The following MLIP variants were observed in gnomAD, a reference collection of about 807,000 sequenced individuals.
MLIP encodes muscular LMNA interacting protein.
Under a neutral mutation model 84.8 loss-of-function variants are expected in MLIP, and 79 were observed. That is an observed-to-expected ratio of 0.93 (90% confidence interval 0.78 to 1.12). MLIP has a LOEUF of 1.12. Ranked by LOEUF, MLIP falls within the 50% of genes most tolerant of loss-of-function variation. The pLI, the probability that MLIP is intolerant of heterozygous loss-of-function variation, is 0.00. For missense variants in MLIP, 1,257 were observed against 1,160.6 expected (o/e 1.08, Z -1.21); for synonymous variants, 504 against 463.0 (o/e 1.09, Z -1.14).
chr6:54,208,684 C>T (rs1308504192), intron 11 of MLIP, among the ~76,000 whole-genome samples: 1 of 152,184 alleles, frequency 6.6e-6, no homozygotes, highest in Non-Finnish European at 1.5e-5. Context: ...AATTTTGAGA[C>T]AAGATTAGCC....
chr6:54,113,723 T>A (rs901447552), intron 1 of MLIP, among the ~76,000 whole-genome samples: 3 of 152,168 alleles, frequency 2.0e-5, no homozygotes, highest in Non-Finnish European at 2.9e-5. Context: ...TACTTCTAAT[T>A]ATTAAATTAA....
At chr6:54,104,177 A>G (rs1768848594) in intron 1 of MLIP, among the ~76,000 whole-genome samples, 1 of 152,124 alleles carries the variant, frequency 6.6e-6, no homozygotes. Flanking sequence ...ATGGAATAGG[A>G]TGCTATTGCT....
At chr6:54,142,920 A>G (rs181717180) in intron 4 of MLIP, among the ~76,000 whole-genome samples, 1 of 151,558 alleles carries the variant, frequency 6.6e-6, no homozygotes. Context: ...AACAACAACA[A>G]AAAAAAAACG....
At chr6:54,128,750 T>A (rs879814569) in intron 3 of MLIP, among the ~76,000 whole-genome samples, 2 of 152,140 alleles carry the variant, frequency 1.3e-5, no homozygotes, top group Non-Finnish European at 2.9e-5. Context: ...CTGGGTGAGT[T>A]ACTTGAAATC....
chr6:54,178,309 T>C lies in MLIP; in HGVS notation c.2544+8737T>C, dbSNP rs111504693. On this transcript the variant is annotated intron_variant, in intron 9 of 13. Transcript: ENST00000502396. ...TTTTATTCGTGTTTCTTCCCTTTTT[T>C]TCTTTATTAGTCTGCCTAAAGATTT... Among the ~76,000 whole-genome samples, 90 of 152,326 alleles carry C rather than the reference T, an allele frequency of 5.9e-4. 1 individual carries two copies. Among genetic ancestry groups the C allele is most frequent in the African/African-American group, 2.0e-3 (84 of 41,588 alleles).
chr6:54,197,309 TG>T (rs1450436011), intron 10 of MLIP, among the ~76,000 whole-genome samples: 2 of 152,004 alleles, frequency 1.3e-5, no homozygotes, highest in African/African-American at 4.8e-5. Flanking sequence ...ACTTATACTG[TG>T]GTTATCTTAT....
chr6:54,262,255 C>T (rs1201221567), intron 13 of MLIP, among the ~76,000 whole-genome samples: 1 of 151,958 alleles, frequency 6.6e-6, no homozygotes, highest in East Asian at 1.9e-4. Context: ...AGAAAGAAAA[C>T]CCTTTTTGTT....
At chr6:54,049,334 A>T (rs753721999) in intron 1 of MLIP, among the ~76,000 whole-genome samples, 16 of 152,196 alleles carry the variant, frequency 1.1e-4, no homozygotes, top group Non-Finnish European at 2.2e-4. Flanking sequence ...ATAGCTGCAT[A>T]ATCTTTTTGT....
intron 11 of MLIP, among the ~76,000 whole-genome samples, chr6:54,220,155 A>G (rs1780126333): frequency 6.6e-6 from 1 of 152,204 alleles, no homozygotes; most frequent in South Asian, 2.1e-4. Flanking sequence ...TTTTGAAATG[A>G]TTAAAACAAT....
chr6:54,044,893 T>C (rs1371035071), intron 1 of MLIP, among the ~76,000 whole-genome samples: 4 of 152,208 alleles, frequency 2.6e-5, no homozygotes, highest in Non-Finnish European at 5.9e-5. Context: ...TGCTTTCAAT[T>C]TGCAATAGGC....
intron 4 of MLIP, among the ~76,000 whole-genome samples, chr6:54,140,688 T>C (rs1404203715): frequency 6.6e-6 from 1 of 152,224 alleles, no homozygotes; most frequent in Non-Finnish European, 1.5e-5. Context: ...GCCTACTTTT[T>C]TTTATTACAA....
rs59544203 is a variant in MLIP, at chr6:54,139,165, GA to G, written c.2217+880del. Among the ~76,000 whole-genome samples the G allele has an allele frequency of 5.7e-3, 861 of 152,160 alleles. 14 individuals are homozygous for G. The highest frequency in any genetic ancestry group is 0.019 in the African/African-American group (778 of 41,514). On this transcript the variant is annotated intron_variant, in intron 4 of 13. Transcript: ENST00000502396. ...TGGTTTCTTTTAAAGGGAAGTAAGA[GA>G]TTTTTTTTGTCTTAGAATAATTCAA... is the stretch of plus-strand genomic sequence containing the variant.
intron 12 of MLIP, 89 bp downstream of exon 12, chr6:54,231,006 G>A: frequency 9.5e-7 from 1 of 1,047,574 alleles, no homozygotes; most frequent in Non-Finnish European, 1.4e-6. Context: ...GAGGAAACAT[G>A]TGTTAGGAAT....
chr6:54,148,125 C>A (rs1172290003), intron 4 of MLIP, among the ~76,000 whole-genome samples: 2 of 152,090 alleles, frequency 1.3e-5, no homozygotes, highest in Admixed American at 1.3e-4. Context: ...CTTTGTTTTG[C>A]TTTTGAAGAC....
At chr6:54,234,485 A>G (rs1384186383) in intron 12 of MLIP, among the ~76,000 whole-genome samples, 1 of 152,126 alleles carries the variant, frequency 6.6e-6, no homozygotes, top group Non-Finnish European at 1.5e-5. Context: ...GCAGAAGCCT[A>G]AAAAACAAAA....
intron 1 of MLIP, chr6:54,063,469 G>A (rs987580195): frequency 1.3e-5 from 2 of 152,088 alleles, no homozygotes; most frequent in East Asian, 3.9e-4. Flanking sequence ...TGTGATAAAG[G>A]TATTATGAAT....
intron 12 of MLIP, among the ~76,000 whole-genome samples, chr6:54,252,162 A>G (rs1782641162): frequency 9.9e-6 from 1 of 101,420 alleles, no homozygotes; most frequent in South Asian, 3.1e-4. Flanking sequence ...CATATAATAT[A>G]TAACTATATT....
At chr6:54,262,161 C>A (rs1783430234) in intron 13 of MLIP, among the ~76,000 whole-genome samples, 2 of 151,948 alleles carry the variant, frequency 1.3e-5, no homozygotes, top group African/African-American at 4.8e-5. Flanking sequence ...AAGCCCCCAA[C>A]CTGTGTTGGG....
intron 1 of MLIP, among the ~76,000 whole-genome samples, chr6:54,097,914 C>A (rs548870227): frequency 6.6e-6 from 1 of 152,076 alleles, no homozygotes; most frequent in South Asian, 2.1e-4. Context: ...TTCCCCAATC[C>A]GATGACTTGC....
Sources: gnomAD v4.1 joint callset for allele counts (sites outside exome capture counted in the v4.1 genomes callset) on GRCh38, gnomAD v4.1.1 for gene constraint, MANE v1.5 for transcripts, NCBI Gene and HGNC (gene_info 2026-07-23, HGNC 2026-07-21) for gene names.